LRP1B: variants seen among roughly 807,000 people sequenced by gnomAD.
LRP1B encodes the protein low-density lipoprotein receptor-related protein 1B.
A neutral mutation model predicts 556.6 loss-of-function variants in LRP1B; 217 were observed. The ratio of observed to expected loss-of-function variants is 0.39; its 90% CI spans 0.35 to 0.44. The LOEUF is 0.44. Among genes scored for constraint, LRP1B ranks in the 20% least tolerant of loss-of-function variants. The pLI is 1.00. For missense variants in LRP1B, 5,053 were observed against 5,620.8 expected, an observed-to-expected ratio of 0.90 and a Z score of 3.23; for synonymous variants, 2,047 against 1,865.8, an observed-to-expected ratio of 1.10 and a Z score of -2.50.
intron 11 of LRP1B, among the ~76,000 whole-genome samples, chr2:141,024,996 A>G (rs1698177548): frequency 6.6e-6 from 1 of 152,212 alleles, no homozygotes; most frequent in East Asian, 1.9e-4. Context: ...TTGAAAAGAT[A>G]CTTCTGAAGA....
chr2:141,403,807 G>A (rs1367210176), intron 3 of LRP1B, among the ~76,000 whole-genome samples: 1 of 152,066 alleles, frequency 6.6e-6, no homozygotes. Flanking sequence ...TTTTTAGTGT[G>A]GCTTTGTATT....
At chr2:140,887,855 T>C (rs1159405655) in intron 23 of LRP1B, among the ~76,000 whole-genome samples, 3 of 152,170 alleles carry the variant, frequency 2.0e-5, no homozygotes, top group African/African-American at 7.2e-5. Flanking sequence ...AAATCTTTAG[T>C]GGTAGAAAAT....
chr2:141,132,338 G>T, intron 7 of LRP1B, among the ~76,000 whole-genome samples: 1 of 151,874 alleles, frequency 6.6e-6, no homozygotes, highest in Non-Finnish European at 1.5e-5. Context: ...CAGGGGAATG[G>T]ATTAGTTCCT....
intron 2 of LRP1B, among the ~76,000 whole-genome samples, chr2:141,588,822 T>C (rs1687228246): frequency 6.6e-6 from 1 of 152,226 alleles, no homozygotes; most frequent in Non-Finnish European, 1.5e-5. Flanking sequence ...CTAGTAATTA[T>C]GTGGTTATTT....
intron 68 of LRP1B, 93 bp downstream of exon 68, chr2:140,378,087 G>A (rs1484176580): frequency 1.3e-6 from 1 of 776,104 alleles, no homozygotes; most frequent in African/African-American, 1.7e-5. Flanking sequence ...GTATTTCTGA[G>A]CTGTCCTTGC....
At chr2:140,710,939 G>A (rs1486907541) in intron 37 of LRP1B, among the ~76,000 whole-genome samples, 1 of 152,034 alleles carries the variant, frequency 6.6e-6, no homozygotes, top group Non-Finnish European at 1.5e-5. Flanking sequence ...AATGACATTA[G>A]TAATGTGTTA....
At chr2:141,418,432 A>ATTTTTTTTTT (rs373970330) in intron 3 of LRP1B, among the ~76,000 whole-genome samples, 1 of 140,892 alleles carries the variant, frequency 7.1e-6, no homozygotes, top group African/African-American at 2.6e-5. Flanking sequence ...AGAGCACAAT[A>ATTTTTTTTTT]TTTTTTTTTT....
chr2:141,201,145 G>A (rs184135195), intron 6 of LRP1B, among the ~76,000 whole-genome samples: 1 of 152,276 alleles, frequency 6.6e-6, no homozygotes, highest in East Asian at 1.9e-4. Context: ...AGTACCCAGG[G>A]TGAGTAACAA....
intron 2 of LRP1B, among the ~76,000 whole-genome samples, chr2:141,663,869 T>C (rs996228358): frequency 6.7e-6 from 1 of 150,194 alleles, no homozygotes; most frequent in African/African-American, 2.5e-5. Flanking sequence ...ACAGATATCA[T>C]CTGCTTTAAT....
intron 3 of LRP1B, among the ~76,000 whole-genome samples, chr2:141,387,224 T>G (rs1689862973): frequency 6.6e-6 from 1 of 151,772 alleles, no homozygotes; most frequent in Admixed American, 6.6e-5. Flanking sequence ...TATTTAAAAA[T>G]AGAGAAGAAA....
chr2:141,924,479 C>A (rs1450611284), intron 1 of LRP1B, among the ~76,000 whole-genome samples: 2 of 152,194 alleles, frequency 1.3e-5, no homozygotes, highest in East Asian at 3.9e-4. Flanking sequence ...AAAGCTCTCA[C>A]ACTGGCCCTC....
intron 2 of LRP1B, among the ~76,000 whole-genome samples, chr2:141,786,551 G>C (rs1390340522): frequency 6.6e-6 from 1 of 151,840 alleles, no homozygotes; most frequent in Non-Finnish European, 1.5e-5. Context: ...TATATTTGAT[G>C]ATTTTTCTAC....
At chr2:140,397,327 G>A (rs1684297883) in intron 66 of LRP1B, among the ~76,000 whole-genome samples, 2 of 152,040 alleles carry the variant, frequency 1.3e-5, no homozygotes, top group South Asian at 4.2e-4. Context: ...TTTTCCTAAT[G>A]CTCCAATGCT....
intron 2 of LRP1B, among the ~76,000 whole-genome samples, chr2:141,490,662 T>C (rs1418221423): frequency 6.6e-6 from 1 of 151,964 alleles, no homozygotes; most frequent in African/African-American, 2.4e-5. Flanking sequence ...CAAAAGCAAA[T>C]AGATAAGAAA....
chr2:140,693,579 T>TC (rs1361218785), intron 41 of LRP1B, among the ~76,000 whole-genome samples: 4 of 152,156 alleles, frequency 2.6e-5, no homozygotes, highest in South Asian at 2.1e-4. Flanking sequence ...AGTAACACTC[T>TC]CCCCCTTTAA....
chr2:141,020,776 G>T (rs1266001291), intron 11 of LRP1B, among the ~76,000 whole-genome samples: 3 of 151,936 alleles, frequency 2.0e-5, no homozygotes, highest in Admixed American at 2.0e-4. Flanking sequence ...ATAATCCTTG[G>T]AGTTCACCTA....
chr2:140,761,261 A>G (rs1452855778), intron 35 of LRP1B, among the ~76,000 whole-genome samples: 2 of 152,176 alleles, frequency 1.3e-5, no homozygotes, highest in Non-Finnish European at 2.9e-5. Flanking sequence ...CAGGAACATC[A>G]CTGATATTTC....
At chr2:140,720,957 T>C (rs1687379264) in intron 35 of LRP1B, among the ~76,000 whole-genome samples, 3 of 152,158 alleles carry the variant, frequency 2.0e-5, no homozygotes, top group Admixed American at 2.0e-4. Context: ...TGGGTTCTTA[T>C]CACTGTTCTG....
chr2:141,125,279 C>T (rs534015346), intron 7 of LRP1B, among the ~76,000 whole-genome samples: 34 of 152,238 alleles, frequency 2.2e-4, no homozygotes, highest in African/African-American at 7.7e-4. Flanking sequence ...AGGTTGCTAG[C>T]GACATCTGTT....
Sources: allele counts gnomAD v4.1 joint callset (sites outside exome capture counted in the v4.1 genomes callset), GRCh38; gene constraint gnomAD v4.1.1; transcripts MANE v1.5; gene names NCBI Gene and HGNC (gene_info 2026-07-23, HGNC 2026-07-21).